Variants in ERCC3 observed in about 807,000 individuals in gnomAD.
ERCC3 encodes the protein general transcription and DNA repair factor IIH helicase/translocase subunit XPB.
Under a neutral mutation model 94.2 loss-of-function variants are expected in ERCC3, and 66 were observed. That is an observed-to-expected ratio of 0.70 (90% CI 0.57 to 0.86). ERCC3 has a LOEUF of 0.86. Among genes scored for constraint, ERCC3 ranks in the 40% least tolerant of loss-of-function variants. ERCC3 has a pLI of 0.00. For missense variants in ERCC3, 829 were observed against 987.1 expected (o/e 0.84, Z 2.15); for synonymous variants, 349 against 369.1 (o/e 0.95, Z 0.63).
intron 4 of ERCC3, 102 bp from the exon 5 acceptor site, chr2:127,289,926 C>T: frequency 1.5e-6 from 2 of 1,362,302 alleles, no homozygotes; most frequent in East Asian, 2.3e-5. Flanking sequence ...AGCCTCATGA[C>T]TCTCCCCACA....
intron 8 of ERCC3, among the ~76,000 whole-genome samples, chr2:127,286,027 T>C (rs1685054233): frequency 6.6e-6 from 1 of 152,064 alleles, no homozygotes; most frequent in African/African-American, 2.4e-5. Flanking sequence ...GTAGGGCTTC[T>C]ATTACATATT....
rs1684839032 is a variant in ERCC3 at position 127,279,426 on chromosome 2, A to T, written c.1528-51T>A. On this transcript the variant is annotated intron_variant, in intron 9 of 14. Coordinates refer to ENST00000285398, the MANE Select transcript of ERCC3 (RefSeq NM_000122.2). This position sits in a 1 kb window ranked among gnomAD's most constrained non-coding sequence, Gnocchi z 4.7. ...CATTTTACAAGTTTAAACACCACAC[A>T]ATTTAAAACTTTTGAAGACCTTTCT... 3.6e-6 allele frequency: 5 copies of T among 1,404,824 alleles called. No individual in the cohort carries two copies. In the East Asian group the frequency reaches 1.1e-4, roughly 32 times the overall value. The allele number at this position is 1,404,824 out of a possible 1,614,324, so 87.0% of individuals were successfully genotyped here.
At chr2:127,270,879 C>T (rs193240810) in intron 12 of ERCC3, among the ~76,000 whole-genome samples, 29 of 152,316 alleles carry the variant, frequency 1.9e-4, no homozygotes, top group Middle Eastern at 3.4e-3. Flanking sequence ...GCCACCAGGG[C>T]GGCACTCTGC....
At chr2:127,285,758 G>C (rs183234140) in intron 8 of ERCC3, among the ~76,000 whole-genome samples, 70 of 152,144 alleles carry the variant, frequency 4.6e-4, no homozygotes, top group African/African-American at 1.6e-3. Flanking sequence ...GGCTGAGGCA[G>C]GGGAATCAGT....
intron 13 of ERCC3, chr2:127,260,983 G>A: frequency 1.9e-6 from 1 of 513,490 alleles, no homozygotes; most frequent in African/African-American, 1.9e-5. Context: ...AAGCAGCCCT[G>A]CGGGGCTCAG....
At position 127,289,526 on chromosome 2, in the gene ERCC3, G is replaced by A. The variant is rs371085495; in HGVS notation, c.658-25C>T. The stretch of plus-strand genomic sequence containing the variant: ...TCTGTGAGAGAGGTAGGTGCTGAAC[G>A]TGCACACAACATTTAATTCTGCTGT... On this transcript the variant is annotated intron_variant, in intron 5 of 14. Transcript: ENST00000285398. The A allele has an allele frequency of 1.1e-5, 17 of 1,611,838 alleles. No individual in the cohort carries two copies. In the African/African-American group the frequency reaches 1.2e-4, roughly 11 times the overall value.
At position 127,259,717 on chromosome 2, in the gene ERCC3, T is replaced by G; in HGVS notation, c.2065-269A>C. 1 of 484,166 alleles carries G rather than the reference T, an allele frequency of 2.1e-6. No individual in the cohort carries two copies. Among genetic ancestry groups the G allele is most frequent in the East Asian group, 4.0e-5 (1 of 25,026 alleles). The allele number at this position is 484,166 out of a possible 1,614,324, so 30.0% of individuals were successfully genotyped here. ...AGCACACAGCATCTAAATGATCATG[T>G]ATGGAAGATCAACAGGAAGAATCTT... On this transcript the variant is annotated intron_variant, in intron 13 of 14. Transcript: ENST00000285398. This position sits in a 1 kb window ranked among gnomAD's most constrained non-coding sequence, Gnocchi z 4.9.
At position 127,293,737 on chromosome 2, in the gene ERCC3, G is replaced by A. The variant is rs1685362854; in HGVS notation, c.29-19C>T. 1.2e-5 allele frequency: 19 copies of A among 1,609,014 alleles called. No individual in the cohort carries two copies. Among genetic ancestry groups the A allele is most frequent in the Non-Finnish European group, 1.5e-5 (18 of 1,180,010 alleles). ...TTCTTGTCTGCAAGATACCAACACA[G>A]AAGTAAGCCCAGCAGGAGCCTTCAG... On this transcript the variant is annotated intron_variant, in intron 1 of 14. Coordinates refer to ENST00000285398, the MANE Select transcript of ERCC3 (RefSeq NM_000122.2).
At chr2:127,276,479 A>G (rs184485112) in intron 10 of ERCC3, among the ~76,000 whole-genome samples, 14 of 152,346 alleles carry the variant, frequency 9.2e-5, no homozygotes, top group Admixed American at 2.6e-4. Context: ...AAGTTTTCAA[A>G]GCCTCCGAGA....
At position 127,271,802 on chromosome 2, in the gene ERCC3, C is replaced by A. The variant is rs1684560618; in HGVS notation, c.1828-349G>T. On this transcript the variant is annotated intron_variant, in intron 11 of 14. Coordinates refer to ENST00000285398, the MANE Select transcript of ERCC3 (RefSeq NM_000122.2). This position sits in a 1 kb window ranked among gnomAD's most constrained non-coding sequence, Gnocchi z 5.0. ...TTTTGGCTACAGAAATATGTCTCCA[C>A]AAAACCATCCATACTCTTACCTGTT... 6.6e-6 allele frequency among the ~76,000 whole-genome samples: 1 copy of A among 152,096 alleles called. No individual in the cohort carries two copies. Among genetic ancestry groups the A allele is most frequent in the African/African-American group, 2.4e-5 (1 of 41,416 alleles).
intron 6 of ERCC3, 53 bp downstream of exon 6, chr2:127,289,284 A>G (rs1685184932): frequency 3.9e-6 from 6 of 1,532,224 alleles, no homozygotes; most frequent in Admixed American, 3.3e-5. Flanking sequence ...TGGCTGGACT[A>G]GCTTCTAACA....
At chr2:127,282,013 C>T (rs1684931726) in intron 8 of ERCC3, among the ~76,000 whole-genome samples, 1 of 152,108 alleles carries the variant, frequency 6.6e-6, no homozygotes, top group Non-Finnish European at 1.5e-5. Flanking sequence ...CACCCGTGAC[C>T]CCATCACACC....
intron 8 of ERCC3, among the ~76,000 whole-genome samples, chr2:127,281,743 C>T (rs1015347946): frequency 6.6e-6 from 1 of 151,972 alleles, no homozygotes; most frequent in Admixed American, 6.6e-5. Flanking sequence ...TTGCACACAA[C>T]ACCACATGCA....
At chr2:127,263,490 C>G (rs1392894549) in intron 12 of ERCC3, among the ~76,000 whole-genome samples, 1 of 152,156 alleles carries the variant, frequency 6.6e-6, no homozygotes, top group Non-Finnish European at 1.5e-5. Flanking sequence ...CGAAACTTTA[C>G]TCAAGTTGCC....
chr2:127,261,330 C>T lies in ERCC3; in HGVS notation c.1962G>A (p.Glu654=). 6.2e-7 allele frequency: 1 copy of T among 1,606,574 alleles called. No homozygotes were observed. Among genetic ancestry groups the T allele is most frequent in the East Asian group, 2.2e-5 (1 of 44,836 alleles). ...LRAKKGMVAE[E]YNAFFYSLVS... ...CCAGTGAGTAGAAAAAGGCATTGTA[C>T]TCTTCTGCAACCATCCCTGCAGGAA... The change falls in exon 13 of 15, where the codon GAG becomes GAA. Residue 654 remains glutamate, a synonymous_variant. Transcript: ENST00000285398.
At chr2:127,289,196 A>G in intron 6 of ERCC3, 141 bp downstream of exon 6, 1 of 770,538 alleles carries the variant, frequency 1.3e-6, no homozygotes, top group African/African-American at 1.7e-5. Flanking sequence ...TGGCTCACAG[A>G]TAATAAAAAG....
At chr2:127,290,500 T>C (rs1685231553) in intron 3 of ERCC3, 4 of 601,166 alleles carry the variant, frequency 6.7e-6, no homozygotes, top group Non-Finnish European at 9.1e-6. Context: ...CTGATGCATA[T>C]CCATTAAGTT....
chr2:127,287,333 G>T (rs1685108531), intron 7 of ERCC3, among the ~76,000 whole-genome samples: 1 of 152,150 alleles, frequency 6.6e-6, no homozygotes, highest in Middle Eastern at 3.4e-3. Context: ...TTTAAAGATA[G>T]AAAAACCTGG....
At chr2:127,266,803 C>T (rs1684387994) in intron 12 of ERCC3, among the ~76,000 whole-genome samples, 1 of 148,304 alleles carries the variant, frequency 6.7e-6, no homozygotes, top group Admixed American at 6.8e-5. Context: ...GCAACCTCTG[C>T]CTCCCGGCTT....
Sources: gnomAD v4.1 joint callset for allele counts (sites outside exome capture counted in the v4.1 genomes callset) on GRCh38, gnomAD v4.1.1 for gene constraint, Gnocchi (gnomAD v3.1) non-coding constraint, MANE v1.5 for transcripts, NCBI Gene and HGNC (gene_info 2026-07-23, HGNC 2026-07-21) for gene names.